Variants in CSTF3 observed in about 807,000 individuals in gnomAD.
CSTF3 encodes cleavage stimulation factor subunit 3, also known as CF-1 77 kDa subunit.
CSTF3 carries 29 observed loss-of-function variants against 105.8 expected under a neutral mutation model. The observed-to-expected ratio is 0.27, with a 90% CI of 0.20 to 0.37. CSTF3 has a LOEUF of 0.37. Among genes scored for constraint, CSTF3 ranks in the 10% least tolerant of loss-of-function variants. The pLI, the probability that CSTF3 is intolerant of heterozygous loss-of-function variation, is 1.00. For missense variants in CSTF3, 357 were observed against 879.3 expected (o/e 0.41, Z 7.51); for synonymous variants, 252 against 281.9 (o/e 0.89, Z 1.06).
Position 33,102,139 on chromosome 11 carries a change from A to C in CSTF3, c.826+38T>G, listed in dbSNP as rs182519441. 7.6e-6 allele frequency: 12 copies of C among 1,578,920 alleles called. 1 individual carries two copies. In the East Asian group the frequency reaches 2.7e-4, roughly 35 times the overall value. On this transcript the variant is annotated intron_variant, in intron 10 of 20. Coordinates refer to ENST00000323959, the MANE Select transcript of CSTF3 (RefSeq NM_001326.3). The stretch of plus-strand genomic sequence containing the variant: ...ATGGGGATACCAAGTGGCCTAACAT[A>C]CATGTAACTGAAGTCCCATGAGGGT...
In CSTF3 at chr11:33,141,649, A is replaced by G; in HGVS notation, c.225+18T>C. 6.2e-7 allele frequency: 1 copy of G among 1,602,168 alleles called. No homozygotes were observed. Among genetic ancestry groups the G allele is most frequent in the Non-Finnish European group, 8.5e-7 (1 of 1,175,682 alleles). On this transcript the variant is annotated intron_variant, in intron 3 of 20. Coordinates refer to ENST00000323959, the MANE Select transcript of CSTF3 (RefSeq NM_001326.3). ...TGCTGCAATACTGATATAAGAAAAA[A>G]TAAAATAAAATAGTAACCTCTGCTT...
Position 33,158,298 on chromosome 11 carries a change from T to A in CSTF3, c.27+3001A>T, listed in dbSNP as rs1849891492. ...AAGATATAAGAACCACCAAAAAGGT[T>A]TGGACAAGTTGAGTGTGCAAAAGAA... On this transcript the variant is annotated intron_variant, in intron 1 of 20. Coordinates refer to ENST00000323959, the MANE Select transcript of CSTF3 (RefSeq NM_001326.3). 2.6e-5 allele frequency among the ~76,000 whole-genome samples: 4 copies of A among 152,244 alleles called. No homozygotes were observed. The South Asian group carries it at 6.2e-4, about 24-fold the overall frequency.
intron 1 of CSTF3, chr11:33,156,604 G>A: frequency 2.3e-6 from 1 of 435,550 alleles, no homozygotes; most frequent in South Asian, 1.6e-5. Context: ...TTAGAATCAT[G>A]TAGCTTTTCC....
chr11:33,156,701 C>T (rs1590291961), intron 1 of CSTF3: 1 of 453,742 alleles, frequency 2.2e-6, no homozygotes, highest in African/African-American at 2.0e-5. Context: ...TATGGCTGGA[C>T]TCACACCTGT....
At chr11:33,150,885 T>A (rs746391342) in intron 1 of CSTF3, among the ~76,000 whole-genome samples, 9 of 151,930 alleles carry the variant, frequency 5.9e-5, no homozygotes, top group Admixed American at 1.3e-4. Context: ...GAAAGTAGAA[T>A]AAGCATATTA....
At chr11:33,094,587 A>C (rs976034393) in intron 15 of CSTF3, among the ~76,000 whole-genome samples, 1 of 152,108 alleles carries the variant, frequency 6.6e-6, no homozygotes, top group Non-Finnish European at 1.5e-5. Flanking sequence ...ACTAGTAACT[A>C]TTTTAAAAAA....
At chr11:33,134,213 C>T (rs1472740836) in intron 3 of CSTF3, among the ~76,000 whole-genome samples, 1 of 152,182 alleles carries the variant, frequency 6.6e-6, no homozygotes, top group African/African-American at 2.4e-5. Context: ...GTTACAAATG[C>T]ATTACAAAAA....
In CSTF3 at chr11:33,099,167, A is replaced by G. The variant is rs199509103; in HGVS notation, c.937-17T>C. On this transcript the variant is annotated splice_polypyrimidine_tract_variant and intron_variant, in intron 11 of 20. Coordinates refer to ENST00000323959, the MANE Select transcript of CSTF3 (RefSeq NM_001326.3). The surrounding 1 kb of genome is among the most constrained non-coding windows in gnomAD (Gnocchi z 4.1). ...ATTCATATCCTGGTAGAAAAAAAAG[A>G]AAGCTCATCTTCAATAATTTTAATA... 795 of 1,570,342 alleles carry G rather than the reference A, an allele frequency of 5.1e-4. No homozygotes were observed. Among genetic ancestry groups the G allele is most frequent in the Non-Finnish European group, 6.5e-4 (755 of 1,169,082 alleles).
intron 10 of CSTF3, among the ~76,000 whole-genome samples, chr11:33,100,742 C>T (rs1855273217): frequency 2.0e-5 from 3 of 152,156 alleles, no homozygotes. Flanking sequence ...TCTAGCACAA[C>T]ACCTGAAGAA....
intron 3 of CSTF3, among the ~76,000 whole-genome samples, chr11:33,138,943 A>G (rs1855681690): frequency 6.6e-6 from 1 of 151,840 alleles, no homozygotes; most frequent in African/African-American, 2.4e-5. Flanking sequence ...CAATTTCCAC[A>G]CTACAGCAAA....
intron 3 of CSTF3, among the ~76,000 whole-genome samples, chr11:33,112,690 GATT>G (rs1371930816): frequency 2.0e-5 from 3 of 152,032 alleles, no homozygotes; most frequent in African/African-American, 7.2e-5. Flanking sequence ...TTCTTTAAAA[GATT>G]ATTATCCTAT....
intron 14 of CSTF3, 124 bp from the exon 15 acceptor site, chr11:33,096,532 GT>G: frequency 1.4e-6 from 1 of 702,358 alleles, no homozygotes. Context: ...TTAAAATCAT[GT>G]TAAGTAAAAA....
intron 1 of CSTF3, among the ~76,000 whole-genome samples, chr11:33,160,393 G>A (rs1849924852): frequency 6.6e-6 from 1 of 152,142 alleles, no homozygotes; most frequent in African/African-American, 2.4e-5. Flanking sequence ...AGTGCATGTC[G>A]TTGCTATGGC....
chr11:33,158,312 T>C (rs1173460521), intron 1 of CSTF3, among the ~76,000 whole-genome samples: 1 of 152,082 alleles, frequency 6.6e-6, no homozygotes, highest in East Asian at 1.9e-4. Context: ...ACAAGTTGAG[T>C]GTGCAAAAGA....
chr11:33,105,866 A>AT lies in CSTF3; in HGVS notation c.458+16_458+17insA, dbSNP rs1379031061. On this transcript the variant is annotated intron_variant, in intron 7 of 20. Coordinates refer to ENST00000323959, the MANE Select transcript of CSTF3 (RefSeq NM_001326.3). Reference sequence around the variant, plus strand: ...AAATCAACTGTAGATGTAAAAAAAAACTATACAAATACTTACACGCCTTTT... The same window carrying AT: ...AAATCAACTGTAGATGTAAAAAAAAATCTATACAAATACTTACACGCCTTTT... 2 of 1,554,750 alleles carry AT rather than the reference A, an allele frequency of 1.3e-6. No individual in the cohort carries two copies. The highest frequency in any genetic ancestry group is 2.8e-5 in the African/African-American group (2 of 71,922).
At chr11:33,125,837 C>T (rs117920598) in intron 3 of CSTF3, among the ~76,000 whole-genome samples, 1,628 of 152,282 alleles carry the variant, frequency 0.011, 10 homozygotes, top group Non-Finnish European at 0.015. Flanking sequence ...AGGCATTCTG[C>T]TTATCTCCTC....
intron 3 of CSTF3, among the ~76,000 whole-genome samples, chr11:33,131,922 C>A (rs1470745989): frequency 6.8e-6 from 1 of 147,786 alleles, no homozygotes; most frequent in African/African-American, 2.7e-5. Context: ...GGGTACTATT[C>A]TTTGTGGTTT....
intron 1 of CSTF3, among the ~76,000 whole-genome samples, chr11:33,160,630 T>G (rs549390278): frequency 6.8e-4 from 103 of 152,224 alleles, no homozygotes; most frequent in Non-Finnish European, 1.1e-3. Flanking sequence ...AGTGTGAATT[T>G]TAAAATATTT....
At chr11:33,156,931 T>C in intron 1 of CSTF3, 1 of 272,100 alleles carries the variant, frequency 3.7e-6, no homozygotes, top group South Asian at 3.4e-5. Flanking sequence ...CATCATCTCT[T>C]CAACTAAAGA....
Sources: allele counts gnomAD v4.1 joint callset (sites outside exome capture counted in the v4.1 genomes callset), GRCh38; gene constraint gnomAD v4.1.1; non-coding constraint Gnocchi (gnomAD v3.1); transcripts MANE v1.5; gene names NCBI Gene and HGNC (gene_info 2026-07-23, HGNC 2026-07-21).